The following CA8 variants were observed in gnomAD, a reference collection of about 807,000 sequenced individuals.
The protein encoded by CA8 is carbonic anhydrase-related protein.
Under a neutral mutation model 41.4 loss-of-function variants are expected in CA8, and 22 were observed. The ratio of observed to expected loss-of-function variants is 0.53; its 90% CI spans 0.38 to 0.76. The LOEUF is 0.76. CA8 is among the 30% of genes least tolerant of loss of function. The pLI is 0.00. For synonymous variants in CA8, 121 were observed against 130.6 expected (o/e 0.93, Z 0.50); for missense variants, 270 against 352.8 (o/e 0.77, Z 1.88).
chr8:60,254,725 G>T (rs1585910090), intron 3 of CA8, among the ~76,000 whole-genome samples: 1 of 152,140 alleles, frequency 6.6e-6, no homozygotes, highest in Non-Finnish European at 1.5e-5. Context: ...TGGTTCAAAT[G>T]GTGATCAGCT....
intron 4 of CA8, among the ~76,000 whole-genome samples, chr8:60,228,713 G>A (rs1807531468): frequency 6.6e-6 from 1 of 152,124 alleles, no homozygotes; most frequent in South Asian, 2.1e-4. Context: ...AACAGGCTTG[G>A]GTCATCATAA....
At chr8:60,192,201 A>G (rs769545785) in intron 8 of CA8, among the ~76,000 whole-genome samples, 2 of 130,388 alleles carry the variant, frequency 1.5e-5, no homozygotes, top group Non-Finnish European at 3.2e-5. Flanking sequence ...AGATTAACTG[A>G]AAAAATGTTT....
chr8:60,259,756 C>A (rs1175968847), intron 3 of CA8, among the ~76,000 whole-genome samples: 1 of 135,666 alleles, frequency 7.4e-6, no homozygotes, highest in African/African-American at 2.8e-5. Context: ...TTTTTTTTTG[C>A]CAAGATGTGA....
intron 7 of CA8, among the ~76,000 whole-genome samples, chr8:60,217,199 T>C (rs539663789): frequency 1.2e-4 from 18 of 152,320 alleles, no homozygotes; most frequent in Middle Eastern, 3.4e-3. Context: ...AAAAAAAGTT[T>C]CACTAAAAGA....
intron 3 of CA8, among the ~76,000 whole-genome samples, chr8:60,255,345 G>A (rs1808597501): frequency 6.6e-6 from 1 of 151,886 alleles, no homozygotes; most frequent in Non-Finnish European, 1.5e-5. Context: ...CACAATAGAG[G>A]TGATGTTTTG....
intron 8 of CA8, among the ~76,000 whole-genome samples, chr8:60,199,593 G>T (rs1205158337): frequency 2.0e-5 from 3 of 152,114 alleles, no homozygotes; most frequent in African/African-American, 4.8e-5. Context: ...TGGTTTTACA[G>T]TTTTAACAAT....
chr8:60,276,420 C>T (rs1213369075), intron 2 of CA8, among the ~76,000 whole-genome samples: 1 of 152,048 alleles, frequency 6.6e-6, no homozygotes, highest in Non-Finnish European at 1.5e-5. Context: ...AGAGAAGATC[C>T]GTCATATGTT....
intron 3 of CA8, among the ~76,000 whole-genome samples, chr8:60,255,434 T>C (rs1044069679): frequency 6.6e-6 from 1 of 152,214 alleles, no homozygotes; most frequent in East Asian, 1.9e-4. Flanking sequence ...GATCTCTTTA[T>C]TGGATCTCCT....
chr8:60,230,131 T>C (rs958621474), intron 4 of CA8, among the ~76,000 whole-genome samples: 1 of 152,232 alleles, frequency 6.6e-6, no homozygotes, highest in Non-Finnish European at 1.5e-5. Flanking sequence ...ATGAAGGTTG[T>C]CAGGCATGAA....
At chr8:60,265,831 T>C in intron 3 of CA8, 94 bp downstream of exon 3, 2 of 1,332,822 alleles carry the variant, frequency 1.5e-6, no homozygotes, top group Non-Finnish European at 2.1e-6. Flanking sequence ...ATTCAAGAGC[T>C]ATGCATCTAC....
chr8:60,221,012 T>C (rs952961083), intron 7 of CA8, among the ~76,000 whole-genome samples: 1 of 152,192 alleles, frequency 6.6e-6, no homozygotes, highest in Non-Finnish European at 1.5e-5. Context: ...GAAACACACA[T>C]GTTGAATTTT....
At chr8:60,270,401 C>T (rs750878800) in intron 2 of CA8, among the ~76,000 whole-genome samples, 16 of 152,172 alleles carry the variant, frequency 1.1e-4, no homozygotes, top group Non-Finnish European at 2.1e-4. Flanking sequence ...TATTTACTTA[C>T]TTACCTACTT....
chr8:60,255,584 C>G (rs953961215), intron 3 of CA8, among the ~76,000 whole-genome samples: 2 of 152,200 alleles, frequency 1.3e-5, no homozygotes, highest in African/African-American at 4.8e-5. Flanking sequence ...AGAGAATTTA[C>G]TTGCCTTTGG....
intron 2 of CA8, among the ~76,000 whole-genome samples, chr8:60,268,297 C>T (rs1286479101): frequency 2.0e-5 from 3 of 152,046 alleles, no homozygotes; most frequent in African/African-American, 7.2e-5. Context: ...ATCACATACA[C>T]TCAGAACACA....
intron 3 of CA8, 121 bp from the exon 4 acceptor site, chr8:60,232,500 A>G (rs1038340454): frequency 2.3e-4 from 180 of 769,628 alleles, no homozygotes; most frequent in Non-Finnish European, 3.8e-4. Flanking sequence ...GAGGATCACA[A>G]GTAGACACAA....
chr8:60,269,685 T>C (rs1804007734), intron 2 of CA8, among the ~76,000 whole-genome samples: 1 of 152,212 alleles, frequency 6.6e-6, no homozygotes, highest in African/African-American at 2.4e-5. Context: ...CCTTATTCCT[T>C]TTCATTTGAC....
rs1804427414 is a variant in CA8 at position 60,281,395 on chromosome 8, T to G, written c.-248A>C. On this transcript the variant is annotated 5_prime_UTR_variant, in exon 1 of 9. Transcript: ENST00000317995. ...CCCCAGCAGAGCGAGGGAGCGGCTG[T>G]GGCCTGGGGAGCGAGCGCCTGGCGA... 9.5e-6 allele frequency: 5 copies of G among 526,560 alleles called. No homozygotes were observed. The highest frequency in any genetic ancestry group is 1.7e-5 in the Non-Finnish European group (5 of 294,634). 32.6% of individuals were successfully genotyped at this position (526,560 alleles called of 1,614,324 possible).
At chr8:60,245,227 G>A (rs1387749198) in intron 3 of CA8, among the ~76,000 whole-genome samples, 2 of 151,534 alleles carry the variant, frequency 1.3e-5, no homozygotes, top group Non-Finnish European at 2.9e-5. Context: ...ATTTTGATGG[G>A]CTAAAAAAAC....
chr8:60,199,737 A>G (rs550027638), intron 8 of CA8, among the ~76,000 whole-genome samples: 4 of 149,778 alleles, frequency 2.7e-5, no homozygotes, highest in African/African-American at 9.7e-5. Flanking sequence ...AGTACTGGGC[A>G]TTATCTAGAT....
Sources: gnomAD v4.1 joint callset for allele counts (sites outside exome capture counted in the v4.1 genomes callset) on GRCh38, gnomAD v4.1.1 for gene constraint, MANE v1.5 for transcripts, NCBI Gene and HGNC (gene_info 2026-07-23, HGNC 2026-07-21) for gene names.